The following PXT1 variants were observed in gnomAD, a reference collection of about 807,000 sequenced individuals.
PXT1 encodes peroxisomal testis-specific protein 1.
PXT1 carries 11 observed loss-of-function variants against 11.0 expected under a neutral mutation model. The observed-to-expected ratio is 1.00, with a 90% CI of 0.63 to 1.66. PXT1 has a LOEUF of 1.66. Ranked by LOEUF, PXT1 falls within the 40% of genes most tolerant of loss-of-function variation. The pLI is 0.00. For missense variants in PXT1, 141 were observed against 155.5 expected, an observed-to-expected ratio of 0.91 and a Z score of 0.49; for synonymous variants, 43 against 51.4, an observed-to-expected ratio of 0.84 and a Z score of 0.70.
chr6:36,436,204 T>C (rs568637285), intron 2 of PXT1, among the ~76,000 whole-genome samples: 2 of 150,738 alleles, frequency 1.3e-5, no homozygotes, highest in African/African-American at 4.9e-5. Flanking sequence ...GGCCAAATCC[T>C]GCAGGGCTTT....
intron 4 of PXT1, 190 bp from the exon 5 acceptor site, chr6:36,392,064 A>G (rs989653008): frequency 7.8e-6 from 4 of 515,294 alleles, no homozygotes; most frequent in Non-Finnish European, 1.4e-5. Context: ...TATCCTCACA[A>G]CGCCTCTGGA....
rs557443698 is a variant in PXT1 at position 36,421,034 on chromosome 6, G to A, written c.169+4880C>T. ...TGTGCCACTGCACTCCAGCTTGGGCGACAGATAGAGACTCCGTCTCAAAAA... is the reference window on the plus strand; with the variant it reads ...TGTGCCACTGCACTCCAGCTTGGGCAACAGATAGAGACTCCGTCTCAAAAA... On this transcript the variant is annotated intron_variant, in intron 3 of 4. Coordinates refer to ENST00000454782, the MANE Select transcript of PXT1 (RefSeq NM_152990.4). Among the ~76,000 whole-genome samples the A allele has an allele frequency of 3.4e-5, 5 of 148,110 alleles. No homozygotes were observed. In the South Asian group the frequency reaches 6.4e-4, roughly 19 times the overall value.
rs1774575938 is a variant in PXT1, at chr6:36,424,605, C to G, written c.169+1309G>C. Among the ~76,000 whole-genome samples the G allele has an allele frequency of 2.6e-5, 4 of 152,236 alleles. No homozygotes were observed. In the South Asian group the frequency reaches 8.3e-4, roughly 31 times the overall value. On this transcript the variant is annotated intron_variant, in intron 3 of 4. Transcript: ENST00000454782. ...AGTGAGCCGAGATCGCGCCACTGCA[C>G]TCCAGCCTGGGTGACAGTGCGAGAC...
chr6:36,395,971 T>C (rs1476946866), intron 4 of PXT1, among the ~76,000 whole-genome samples: 1 of 152,032 alleles, frequency 6.6e-6, no homozygotes, highest in African/African-American at 2.4e-5. Context: ...GTACTCCAAA[T>C]TGGGCAACAG....
In PXT1 at chr6:36,426,355, C is replaced by CTTTTT. The variant is rs751410377; in HGVS notation, c.-9-269_-9-265dup. On this transcript the variant is annotated intron_variant, in intron 2 of 4. Coordinates refer to ENST00000454782, the MANE Select transcript of PXT1 (RefSeq NM_152990.4). Reference sequence around the variant, plus strand: ...ATTAGTCTTTCTTCTCTCTCTCTCGCTTTTTTTTTTTTTTTTTTTTTTTTT... The same window carrying CTTTTT: ...ATTAGTCTTTCTTCTCTCTCTCTCGCTTTTTTTTTTTTTTTTTTTTTTTTTTTTTT... Among the ~76,000 whole-genome samples the CTTTTT allele has an allele frequency of 7.9e-4, 61 of 76,818 alleles. 4 individuals are homozygous for CTTTTT. The highest frequency in any genetic ancestry group is 1.1e-3 in the South Asian group (2 of 1,894). The allele number at this position is 76,818 out of a possible 152,430, so 50.4% of individuals were successfully genotyped here. A position where few individuals can be genotyped will look rare whatever the true frequency, so the allele number is the denominator to read the frequency against.
At chr6:36,404,827 A>G (rs1774265899) in intron 3 of PXT1, among the ~76,000 whole-genome samples, 1 of 152,074 alleles carries the variant, frequency 6.6e-6, no homozygotes, top group Admixed American at 6.6e-5. Flanking sequence ...GCGTGGTGGC[A>G]TGCACTTGTA....
At chr6:36,402,278 A>G (rs913670314) in intron 3 of PXT1, among the ~76,000 whole-genome samples, 2 of 152,248 alleles carry the variant, frequency 1.3e-5, no homozygotes. Flanking sequence ...TCAGTCACTT[A>G]GAAACCATGG....
Position 36,391,188 on chromosome 6 carries a change from G to C in PXT1, c.*582C>G, listed in dbSNP as rs1774060811. On this transcript the variant is annotated 3_prime_UTR_variant, in exon 5 of 5. Transcript: ENST00000454782. ...TAGGCATGGAAATGGGAAGGTAGAT[G>C]AGATGAGCCATATGTTGAATTTGAG... The C allele has an allele frequency of 6.5e-6, 1 of 152,876 alleles. No individual in the cohort carries two copies. Among genetic ancestry groups the C allele is most frequent in the African/African-American group, 2.4e-5 (1 of 41,446 alleles). 9.5% of individuals were successfully genotyped at this position (152,876 alleles called of 1,614,324 possible).
At chr6:36,421,762 A>G (rs1438194005) in intron 3 of PXT1, among the ~76,000 whole-genome samples, 1 of 152,186 alleles carries the variant, frequency 6.6e-6, no homozygotes, top group African/African-American at 2.4e-5. Flanking sequence ...AAGCCGCTGC[A>G]CTAGCTTAGT....
At chr6:36,400,415 C>T (rs1341671056) in intron 4 of PXT1, 39 bp downstream of exon 4, 2 of 1,608,604 alleles carry the variant, frequency 1.2e-6, no homozygotes, top group East Asian at 4.5e-5. Context: ...CTCTTTCCTC[C>T]TACCTGACAG....
intron 3 of PXT1, 86 bp downstream of exon 3, chr6:36,425,828 A>G: frequency 1.8e-6 from 1 of 547,666 alleles, no homozygotes; most frequent in Non-Finnish European, 2.9e-6. Context: ...ATATATATAT[A>G]TTTAATGTCC....
chr6:36,424,144 TA>T (rs1402486235), intron 3 of PXT1, among the ~76,000 whole-genome samples: 4 of 152,132 alleles, frequency 2.6e-5, no homozygotes, highest in African/African-American at 4.8e-5. Context: ...GAGTTTACAA[TA>T]AAACATAAAA....
rs148926387 is a variant in PXT1, at chr6:36,400,488, A to G, written c.266T>C (p.Ile89Thr). The G allele has an allele frequency of 1.5e-4, 247 of 1,613,930 alleles. 2 individuals are homozygous for G. Among genetic ancestry groups the G allele is most frequent in the South Asian group, 4.6e-4 (42 of 91,072 alleles). ...CATCCTATGATCAATGTTGTCCCCA[A>G]TGTGTCTCAGCTGCATGGCCAACTT... is the stretch of plus-strand genomic sequence containing the variant. ...IHKLAMQLRH[I>T]GDNIDHRMVR... is the part of the protein sequence containing the mutation. The change falls in exon 4 of 5, where the codon ATT (isoleucine) becomes ACT (threonine). Residue 89 changes from isoleucine (I) to threonine (T), a missense_variant. By Grantham distance (89) the Ile-to-Thr change is moderately conservative. Coordinates refer to ENST00000454782, the MANE Select transcript of PXT1 (RefSeq NM_152990.4).
chr6:36,425,154 ATTTAGG>A (rs1774584497), intron 3 of PXT1, among the ~76,000 whole-genome samples: 1 of 152,204 alleles, frequency 6.6e-6, no homozygotes, highest in Non-Finnish European at 1.5e-5. Context: ...ATTCTGGGGC[ATTTAGG>A]AATCACACAT....
chr6:36,401,615 C>CAA (rs140178346), intron 3 of PXT1, among the ~76,000 whole-genome samples: 2 of 115,070 alleles, frequency 1.7e-5, no homozygotes, highest in Admixed American at 9.6e-5. Context: ...GACCCTGTCT[C>CAA]AAAAAAAAAA....
At chr6:36,411,407 C>T (rs989610605) in intron 3 of PXT1, among the ~76,000 whole-genome samples, 1 of 152,034 alleles carries the variant, frequency 6.6e-6, no homozygotes, top group African/African-American at 2.4e-5. Flanking sequence ...GCTGAGATCC[C>T]GCCACTGCAC....
chr6:36,438,555 C>G (rs1461734160), intron 2 of PXT1, among the ~76,000 whole-genome samples: 6 of 151,988 alleles, frequency 3.9e-5, no homozygotes, highest in Non-Finnish European at 8.8e-5. Context: ...TCCCGAGTAC[C>G]GGGACTACAG....
At chr6:36,440,929 G>A (rs1408933882) in intron 1 of PXT1, among the ~76,000 whole-genome samples, 3 of 151,874 alleles carry the variant, frequency 2.0e-5, no homozygotes, top group Non-Finnish European at 2.9e-5. Flanking sequence ...AATAAGACTC[G>A]GTAGTTAGCC....
intron 2 of PXT1, among the ~76,000 whole-genome samples, chr6:36,436,416 G>C (rs569221460): frequency 1.3e-5 from 2 of 152,302 alleles, no homozygotes; most frequent in Admixed American, 6.5e-5. Flanking sequence ...TGAGATTTAG[G>C]AACTAGAATT....
Sources: allele counts gnomAD v4.1 joint callset (sites outside exome capture counted in the v4.1 genomes callset), GRCh38; gene constraint gnomAD v4.1.1; transcripts MANE v1.5; gene names NCBI Gene and HGNC (gene_info 2026-07-23, HGNC 2026-07-21).